Variants in RGS20 observed in about 807,000 individuals in gnomAD.
RGS20 encodes the protein gz-selective GTPase-activating protein.
Under a neutral mutation model 33.6 loss-of-function variants are expected in RGS20, and 30 were observed. That is an observed-to-expected ratio of 0.89 (90% CI 0.67 to 1.21). The LOEUF is 1.21. Among genes scored for constraint, RGS20 ranks in the 50% most tolerant of loss-of-function variants. The probability of loss-of-function intolerance (pLI) is 0.00; values close to 1 mark genes in which losing one functional copy is unlikely to be tolerated. For missense variants in RGS20, 472 were observed against 502.4 expected, an observed-to-expected ratio of 0.94 and a Z score of 0.58; for synonymous variants, 208 against 197.9, an observed-to-expected ratio of 1.05 and a Z score of -0.43.
At chr8:53,885,766 G>A in intron 2 of RGS20, among the ~76,000 whole-genome samples, 1 of 148,954 alleles carries the variant, frequency 6.7e-6, no homozygotes, top group South Asian at 2.2e-4. Context: ...TCCAGTGTGT[G>A]AACTGGATAC....
At chr8:53,911,996 G>T (rs1813359660) in intron 2 of RGS20, among the ~76,000 whole-genome samples, 1 of 151,818 alleles carries the variant, frequency 6.6e-6, no homozygotes, top group Admixed American at 6.6e-5. Flanking sequence ...TTAAAAGGCA[G>T]AAAAATAAGG....
chr8:53,883,071 T>C (rs1289017290), intron 2 of RGS20, among the ~76,000 whole-genome samples: 1 of 152,270 alleles, frequency 6.6e-6, no homozygotes, highest in Non-Finnish European at 1.5e-5. Flanking sequence ...ATTTACTATT[T>C]TTGTTAAAAT....
chr8:53,884,189 G>GTTTTTT, intron 2 of RGS20, among the ~76,000 whole-genome samples: 4 of 122,872 alleles, frequency 3.3e-5, no homozygotes, highest in African/African-American at 1.7e-4. Context: ...TAGAAAAACA[G>GTTTTTT]TCTTTTTTTT....
chr8:53,905,540 C>T (rs1335765096), intron 2 of RGS20, among the ~76,000 whole-genome samples: 1 of 152,196 alleles, frequency 6.6e-6, no homozygotes, highest in Admixed American at 6.5e-5. Context: ...AGAATCGCCT[C>T]ATCTCAGCAT....
At chr8:53,953,294 G>A (rs1263592091) in intron 4 of RGS20, among the ~76,000 whole-genome samples, 2 of 152,182 alleles carry the variant, frequency 1.3e-5, no homozygotes. Flanking sequence ...GCCAAGGTGG[G>A]CAGATCGCTT....
intron 2 of RGS20, among the ~76,000 whole-genome samples, chr8:53,930,641 G>A (rs1186343758): frequency 6.6e-6 from 1 of 152,184 alleles, no homozygotes; most frequent in Non-Finnish European, 1.5e-5. Context: ...TGCCTCCGGG[G>A]TTCAAGTGAT....
intron 1 of RGS20, among the ~76,000 whole-genome samples, chr8:53,875,447 A>G (rs527801230): frequency 1.6e-4 from 24 of 147,832 alleles, no homozygotes; most frequent in Non-Finnish European, 2.2e-4. Flanking sequence ...AAAAAAAAAA[A>G]AAACCAAAAA....
chr8:53,881,037 G>T (rs1463209649), intron 2 of RGS20: 6 of 1,582,094 alleles, frequency 3.8e-6, no homozygotes, highest in Non-Finnish European at 5.1e-6. Flanking sequence ...GGACGGAGGC[G>T]AGCCGGCCGG....
At chr8:53,922,987 T>TA (rs1388292246) in intron 2 of RGS20, among the ~76,000 whole-genome samples, 5 of 151,920 alleles carry the variant, frequency 3.3e-5, no homozygotes, top group African/African-American at 9.7e-5. Context: ...ATGGCCTCTA[T>TA]AATGCTTATA....
intron 2 of RGS20, among the ~76,000 whole-genome samples, chr8:53,918,778 G>A (rs1398405508): frequency 6.6e-6 from 1 of 152,086 alleles, no homozygotes; most frequent in East Asian, 1.9e-4. Flanking sequence ...TGCCTCGTAT[G>A]GACATATCAT....
Position 53,915,062 on chromosome 8 carries a change from T to C in RGS20, c.511-24514T>C, listed in dbSNP as rs542767209. On this transcript the variant is annotated intron_variant, in intron 2 of 5. Coordinates refer to ENST00000297313, the MANE Select transcript of RGS20 (RefSeq NM_170587.4). ...TGAGAGGCTGAGGCAGGAGGATCAC[T>C]TGAACCTGGGAGGCGAGGTTGCAGT... Among the ~76,000 whole-genome samples, 5 of 152,118 alleles carry C rather than the reference T, an allele frequency of 3.3e-5. No individual in the cohort carries two copies. In the East Asian group the frequency reaches 9.7e-4, roughly 29 times the overall value.
chr8:53,875,955 TAATTTATGGTCAATG>T, intron 1 of RGS20, among the ~76,000 whole-genome samples: 1 of 152,346 alleles, frequency 6.6e-6, no homozygotes, highest in Non-Finnish European at 1.5e-5. Flanking sequence ...TCAATCTGCA[TAATTTATGGTCAATG>T]CAGGGAAAGA....
chr8:53,954,285 A>G lies in RGS20; in HGVS notation c.953A>G (p.Tyr318Cys). The change falls in exon 5 of 6, where the codon TAC becomes TGC. Residue 318 changes from tyrosine to cysteine, a missense_variant. Physicochemically the swap from Tyr to Cys is radical, Grantham distance 194. Transcript: ENST00000297313. ...AAAGCAAGGATAATCTATGAAGACT[A>G]CATTTCTATACTTTCTCCTAAGGAG... 6.2e-7 allele frequency: 1 copy of G among 1,608,614 alleles called. No individual in the cohort carries two copies.
At chr8:53,931,260 T>G (rs151056053) in intron 2 of RGS20, among the ~76,000 whole-genome samples, 1 of 152,106 alleles carries the variant, frequency 6.6e-6, no homozygotes, top group African/African-American at 2.4e-5. Context: ...GAAACTTACA[T>G]GCAAGACTAA....
At chr8:53,887,229 C>A (rs1193571664) in intron 2 of RGS20, 2 of 161,672 alleles carry the variant, frequency 1.2e-5, no homozygotes, top group African/African-American at 4.8e-5. Context: ...TGTAAGATTT[C>A]TTCCTAGTTT....
intron 5 of RGS20, 124 bp from the exon 5 acceptor site, chr8:53,958,146 A>C (rs1211256298): frequency 1.5e-6 from 1 of 688,430 alleles, no homozygotes; most frequent in South Asian, 2.6e-5. Flanking sequence ...AAAACAAAAC[A>C]AACAACAAAA....
chr8:53,932,253 T>A (rs1813993833), intron 2 of RGS20, among the ~76,000 whole-genome samples: 2 of 152,148 alleles, frequency 1.3e-5, no homozygotes, highest in South Asian at 4.2e-4. Flanking sequence ...ATACCCCAGT[T>A]TCACCTGGAA....
chr8:53,938,237 C>G (rs992344535), intron 2 of RGS20, among the ~76,000 whole-genome samples: 2 of 152,144 alleles, frequency 1.3e-5, no homozygotes, highest in Admixed American at 1.3e-4. Context: ...TTTGCAGGGA[C>G]ATGGATGAAG....
chr8:53,861,274 G>C (rs1432102000), intron 1 of RGS20, among the ~76,000 whole-genome samples: 1 of 152,182 alleles, frequency 6.6e-6, no homozygotes, highest in Non-Finnish European at 1.5e-5. Flanking sequence ...CAAAACTAGA[G>C]TCAGCAGACC....
Sources: gnomAD v4.1 joint callset for allele counts (sites outside exome capture counted in the v4.1 genomes callset) on GRCh38, gnomAD v4.1.1 for gene constraint, MANE v1.5 for transcripts, NCBI Gene and HGNC (gene_info 2026-07-23, HGNC 2026-07-21) for gene names.